The following IMPG2 variants were observed in gnomAD, a reference collection of about 807,000 sequenced individuals.
IMPG2 encodes IPM 200.
A neutral mutation model predicts 129.2 loss-of-function variants in IMPG2; 91 were observed. That is an observed-to-expected ratio of 0.70 (90% CI 0.59 to 0.84). The LOEUF is 0.84. Ranked by LOEUF, IMPG2 falls within the 40% of genes least tolerant of loss-of-function variation. IMPG2 has a pLI of 0.00. For missense variants in IMPG2, 1,430 were observed against 1,461.7 expected, an observed-to-expected ratio of 0.98 and a Z score of 0.35; for synonymous variants, 510 against 517.7, an observed-to-expected ratio of 0.99 and a Z score of 0.20.
intron 3 of IMPG2, among the ~76,000 whole-genome samples, chr3:101,301,198 T>C (rs1349546799): frequency 6.6e-6 from 1 of 152,190 alleles, no homozygotes; most frequent in Non-Finnish European, 1.5e-5. Flanking sequence ...ACAATAGTTA[T>C]TGTAATTGTA....
chr3:101,319,657 A>G lies in IMPG2; in HGVS notation c.261T>C (p.Asn87=), dbSNP rs1416970046. The part of the protein sequence containing the change: ...IRRRRSILFP[N]GVKICPDESV... ...TTTCATCTGGGCAGATTTTCACTCCATTAGGAAACAGAATAGATCTCCGCC... is the reference window on the plus strand; with the variant it reads ...TTTCATCTGGGCAGATTTTCACTCCGTTAGGAAACAGAATAGATCTCCGCC... Residue 87 remains asparagine, a synonymous_variant, in exon 2 of 19, where the codon AAT becomes AAC. Transcript: ENST00000193391. 3 of 1,613,768 alleles carry G rather than the reference A, an allele frequency of 1.9e-6. No homozygotes were observed. Among genetic ancestry groups the G allele is most frequent in the Non-Finnish European group, 2.5e-6 (3 of 1,179,812 alleles).
At chr3:101,264,564 C>T (rs1230613095) in intron 9 of IMPG2, among the ~76,000 whole-genome samples, 2 of 151,754 alleles carry the variant, frequency 1.3e-5, no homozygotes, top group Non-Finnish European at 2.9e-5. Context: ...CAATAAAGTC[C>T]ACATATGAAA....
At chr3:101,310,559 CA>C (rs199570786) in intron 2 of IMPG2, among the ~76,000 whole-genome samples, 259 of 126,228 alleles carry the variant, frequency 2.1e-3, no homozygotes, top group African/African-American at 7.9e-3. Context: ...GACCCTGTCT[CA>C]AAAAAAAAAA....
At chr3:101,259,104 T>A (rs1202481493) in intron 9 of IMPG2, among the ~76,000 whole-genome samples, 1 of 152,118 alleles carries the variant, frequency 6.6e-6, no homozygotes, top group African/African-American at 2.4e-5. Flanking sequence ...ACCCTCTCAG[T>A]AGCTTCAATT....
intron 4 of IMPG2, among the ~76,000 whole-genome samples, chr3:101,288,561 G>A (rs1706971210): frequency 1.3e-5 from 2 of 152,156 alleles, no homozygotes; most frequent in Non-Finnish European, 2.9e-5. Flanking sequence ...CAACTTGGAT[G>A]GAATTGGAGG....
intron 4 of IMPG2, among the ~76,000 whole-genome samples, chr3:101,283,305 G>T (rs553973157): frequency 1.3e-5 from 2 of 152,096 alleles, no homozygotes; most frequent in South Asian, 4.2e-4. Flanking sequence ...GATTACAGGC[G>T]TTGAGCCACC....
rs781490336 is a variant in IMPG2 at position 101,245,966 on chromosome 3, G to T, written c.1379C>A (p.Ser460Tyr). 3 of 1,614,166 alleles carry T rather than the reference G, an allele frequency of 1.9e-6. No homozygotes were observed. Among genetic ancestry groups the T allele is most frequent in the South Asian group, 2.2e-5 (2 of 91,088 alleles). The change falls in exon 12 of 19, where the codon TCT becomes TAT. Residue 460 changes from serine (S) to tyrosine (Y), a missense_variant. Transcript: ENST00000193391. ...WSESPLGDLV[S>Y]THKLAFPSKM... ...CGAGGGAAAGGCTAATTTGTGTGTAGACACTAAATCACCCAAAGGACTTTC... is the reference window on the plus strand; with the variant it reads ...CGAGGGAAAGGCTAATTTGTGTGTATACACTAAATCACCCAAAGGACTTTC...
intron 4 of IMPG2, among the ~76,000 whole-genome samples, chr3:101,277,169 T>C (rs948223668): frequency 8.5e-5 from 13 of 152,304 alleles, no homozygotes; most frequent in East Asian, 1.9e-4. Context: ...TAGCTGCATG[T>C]GGTTAATGGC....
chr3:101,304,739 A>G (rs181529098), intron 2 of IMPG2, among the ~76,000 whole-genome samples: 1 of 152,230 alleles, frequency 6.6e-6, no homozygotes, highest in East Asian at 1.9e-4. Context: ...TTTGCTTTTC[A>G]TGATCACTGG....
chr3:101,256,213 G>GAAAGAA (rs1350511908), intron 10 of IMPG2, among the ~76,000 whole-genome samples: 18 of 140,854 alleles, frequency 1.3e-4, no homozygotes, highest in Non-Finnish European at 2.4e-4. Flanking sequence ...AAGAAAGAAA[G>GAAAGAA]AAAGAAAAAA....
At chr3:101,243,497 A>T in intron 13 of IMPG2, 32 bp downstream of exon 13, 1 of 1,598,436 alleles carries the variant, frequency 6.3e-7, no homozygotes, top group South Asian at 1.1e-5. Context: ...ATGATTATTC[A>T]CTAGTGCCCA....
At chr3:101,275,588 C>T in intron 6 of IMPG2, 75 bp downstream of exon 6, 1 of 1,083,936 alleles carries the variant, frequency 9.2e-7, no homozygotes. Context: ...TGTAGTCCAG[C>T]AATGGGAGAT....
chr3:101,295,577 T>C (rs1314735277), intron 3 of IMPG2, among the ~76,000 whole-genome samples: 2 of 151,656 alleles, frequency 1.3e-5, no homozygotes, highest in African/African-American at 2.4e-5. Context: ...TTTAAGTAGT[T>C]TTTTCTAATT....
In IMPG2 at chr3:101,232,982, G is replaced by C. The variant is rs780597140; in HGVS notation, c.3032C>G (p.Ala1011Gly). 4.3e-6 allele frequency: 7 copies of C among 1,613,744 alleles called. No homozygotes were observed. The highest frequency in any genetic ancestry group is 5.9e-6 in the Non-Finnish European group (7 of 1,179,872). ...ACAGGCCTGAAACTTGCAAGGGTTG[G>C]CTTCATCACCTAAAACATTAAACAA... ...YSLDVESGDE[A>G]NPCKFQACNE... The change falls in exon 15 of 19, where the codon GCC becomes GGC. Residue 1011 changes from alanine (A) to glycine (G), a missense_variant. Physicochemically the swap from Ala to Gly is moderately conservative, Grantham distance 60. Coordinates refer to ENST00000193391, the MANE Select transcript of IMPG2 (RefSeq NM_016247.4).
At chr3:101,319,392 A>G (rs989100331) in intron 2 of IMPG2, among the ~76,000 whole-genome samples, 192 bp downstream of exon 2, 1 of 152,156 alleles carries the variant, frequency 6.6e-6, no homozygotes, top group Non-Finnish European at 1.5e-5. Context: ...CTGGAAAAAA[A>G]ACAAACCTCC....
Position 101,244,061 on chromosome 3 carries a change from T to C in IMPG2, c.2270A>G (p.Glu757Gly). ...MEQITESSNY[E>G]WFDSEVSMVK... ...CATTGAAACCTCACTGTCAAACCAT[T>C]CATAGTTGGATGACTCAGTAATTTG... Residue 757 changes from glutamate to glycine, a missense_variant, in exon 13 of 19, where the codon GAA becomes GGA. Glu to Gly is a moderately conservative substitution (Grantham distance 98). Coordinates refer to ENST00000193391, the MANE Select transcript of IMPG2 (RefSeq NM_016247.4). The C allele has an allele frequency of 6.2e-7, 1 of 1,614,010 alleles. No homozygotes were observed. Among genetic ancestry groups the C allele is most frequent in the Non-Finnish European group, 8.5e-7 (1 of 1,180,026 alleles).
intron 3 of IMPG2, among the ~76,000 whole-genome samples, chr3:101,299,707 T>A (rs1283445075): frequency 1.3e-5 from 2 of 152,172 alleles, no homozygotes; most frequent in African/African-American, 4.8e-5. Flanking sequence ...GCCCTACTCA[T>A]CTGGTTCATT....
At chr3:101,230,166 A>G (rs1706270805) in intron 16 of IMPG2, among the ~76,000 whole-genome samples, 1 of 152,198 alleles carries the variant, frequency 6.6e-6, no homozygotes, top group Admixed American at 6.5e-5. Context: ...ACAATGACGG[A>G]GGTATGTCCC....
chr3:101,255,006 C>T (rs1200633526), intron 10 of IMPG2, among the ~76,000 whole-genome samples: 2 of 151,974 alleles, frequency 1.3e-5, no homozygotes, highest in South Asian at 2.1e-4. Flanking sequence ...GCTTGCTTCC[C>T]CTTCACCTCT....
Sources: allele counts gnomAD v4.1 joint callset (sites outside exome capture counted in the v4.1 genomes callset), GRCh38; gene constraint gnomAD v4.1.1; transcripts MANE v1.5; gene names NCBI Gene and HGNC (gene_info 2026-07-23, HGNC 2026-07-21).